Variants in KIF9 observed in about 807,000 individuals in gnomAD.
KIF9 encodes kinesin-like protein KIF9.
In KIF9, 68 loss-of-function variants were observed where a neutral mutation model predicts 94.8. The observed-to-expected ratio is 0.72, with a 90% CI of 0.59 to 0.88. The LOEUF (loss-of-function observed/expected upper bound fraction) is 0.88. Ranked by LOEUF, KIF9 falls within the 40% of genes least tolerant of loss-of-function variation. The pLI is 0.00. For missense variants in KIF9, 882 were observed against 982.5 expected, an observed-to-expected ratio of 0.90 and a Z score of 1.37; for synonymous variants, 343 against 362.1, an observed-to-expected ratio of 0.95 and a Z score of 0.60.
At chr3:47,249,718 T>A (rs1209905400) in intron 10 of KIF9, among the ~76,000 whole-genome samples, 1 of 152,216 alleles carries the variant, frequency 6.6e-6, no homozygotes, top group Non-Finnish European at 1.5e-5. Context: ...CCTGATAATC[T>A]TTGTTCAAAA....
At chr3:47,244,963 T>C (rs1166353021) in intron 14 of KIF9, 39 bp from the exon 15 acceptor site, 2 of 1,611,892 alleles carry the variant, frequency 1.2e-6, no homozygotes, top group East Asian at 4.5e-5. Flanking sequence ...TGAGTTAGAT[T>C]AAGGGCTTGG....
At chr3:47,244,631 G>T in intron 15 of KIF9, 160 bp downstream of exon 15, 1 of 876,588 alleles carries the variant, frequency 1.1e-6, no homozygotes, top group Non-Finnish European at 1.8e-6. Context: ...ACCAGCCCCA[G>T]CCCGGGCCCC....
Position 47,228,649 on chromosome 3 carries a change from G to C in KIF9, c.*3C>G, listed in dbSNP as rs936988956. On this transcript the variant is annotated 3_prime_UTR_variant, in exon 21 of 21. Coordinates refer to ENST00000684063, the MANE Select transcript of KIF9 (RefSeq NM_182902.4). ...TGTCCTTTAAGGTACTGGCGATGAG[G>C]TTCTATTTTCTATGTGCCTGCTGGA... 3 of 1,612,742 alleles carry C rather than the reference G, an allele frequency of 1.9e-6. No individual in the cohort carries two copies. Among genetic ancestry groups the C allele is most frequent in the African/African-American group, 2.7e-5 (2 of 74,866 alleles).
In KIF9 at chr3:47,229,671, T is replaced by C. The variant is rs186329482; in HGVS notation, c.2323-969A>G. Reference sequence around the variant, plus strand: ...TGGCCAACACAGAGAATTATAGAGATTGGGGAATGAGAGAATAGAATTTTG... The same window carrying C: ...TGGCCAACACAGAGAATTATAGAGACTGGGGAATGAGAGAATAGAATTTTG... On this transcript the variant is annotated intron_variant, in intron 20 of 20. Transcript: ENST00000684063. 1.9e-3 allele frequency among the ~76,000 whole-genome samples: 292 copies of C among 152,054 alleles called. 1 individual carries two copies. Among genetic ancestry groups the C allele is most frequent in the South Asian group, 5.6e-3 (27 of 4,804 alleles).
chr3:47,256,702 G>T (rs529649684), intron 10 of KIF9, among the ~76,000 whole-genome samples: 2 of 152,240 alleles, frequency 1.3e-5, no homozygotes, highest in African/African-American at 2.4e-5. Flanking sequence ...GAGTAGAAAG[G>T]GGGGAAGGGT....
chr3:47,272,638 T>C (rs1701717878), intron 4 of KIF9, among the ~76,000 whole-genome samples: 2 of 152,178 alleles, frequency 1.3e-5, no homozygotes, highest in South Asian at 4.1e-4. Context: ...TGCGGAAATA[T>C]TTTAAATATA....
intron 20 of KIF9, among the ~76,000 whole-genome samples, chr3:47,230,548 C>A (rs981928169): frequency 4.6e-5 from 7 of 151,546 alleles, no homozygotes; most frequent in African/African-American, 1.7e-4. Flanking sequence ...GCCTGACCAA[C>A]AGGAAAAATC....
At chr3:47,249,948 C>A (rs1462801092) in intron 10 of KIF9, among the ~76,000 whole-genome samples, 1 of 151,974 alleles carries the variant, frequency 6.6e-6, no homozygotes, top group Non-Finnish European at 1.5e-5. Flanking sequence ...ACTAGAGAGG[C>A]TAAGGCAGGA....
chr3:47,229,179 C>A (rs1698371294), intron 20 of KIF9, among the ~76,000 whole-genome samples: 1 of 152,188 alleles, frequency 6.6e-6, no homozygotes, highest in African/African-American at 2.4e-5. Context: ...GGGCTGTAAG[C>A]CAGCAAACGC....
intron 17 of KIF9, chr3:47,239,800 T>C (rs1375775605): frequency 7.3e-7 from 1 of 1,366,728 alleles, no homozygotes; most frequent in Non-Finnish European, 9.8e-7. Flanking sequence ...AGTGAGATGA[T>C]GCATCTGACT....
At chr3:47,252,818 GC>G (rs1384005068) in intron 10 of KIF9, among the ~76,000 whole-genome samples, 1 of 151,942 alleles carries the variant, frequency 6.6e-6, no homozygotes, top group Non-Finnish European at 1.5e-5. Context: ...TTTGAGACCA[GC>G]CTGGCCAACA....
At chr3:47,239,052 C>T (rs1699270800) in intron 17 of KIF9, among the ~76,000 whole-genome samples, 1 of 152,118 alleles carries the variant, frequency 6.6e-6, no homozygotes, top group African/African-American at 2.4e-5. Flanking sequence ...CACAAAATTA[C>T]CTGGGCATGG....
chr3:47,247,986 T>C, intron 11 of KIF9, 32 bp downstream of exon 11: 1 of 1,538,680 alleles, frequency 6.5e-7, no homozygotes, highest in Non-Finnish European at 8.9e-7. Flanking sequence ...CCCCAGCACC[T>C]CTGCCCTCCT....
chr3:47,269,510 G>A (rs1460342101), intron 5 of KIF9, among the ~76,000 whole-genome samples: 1 of 152,190 alleles, frequency 6.6e-6, no homozygotes, highest in Admixed American at 6.5e-5. Context: ...TTGAACTCAT[G>A]AGCTCAAGTG....
chr3:47,247,317 C>T, intron 12 of KIF9, 56 bp downstream of exon 12: 1 of 1,208,314 alleles, frequency 8.3e-7, no homozygotes, highest in East Asian at 2.4e-5. Context: ...TGGGGTGTGC[C>T]CAGGACTGGG....
At chr3:47,267,128 C>T (rs982940243) in intron 6 of KIF9, 52 bp downstream of exon 6, 7 of 1,600,644 alleles carry the variant, frequency 4.4e-6, no homozygotes, top group South Asian at 1.1e-5. Flanking sequence ...ACTGAGCAGG[C>T]CCCGTGGGAA....
Position 47,257,594 on chromosome 3 carries a change from C to T in KIF9, c.982-34G>A, listed in dbSNP as rs369911151. The T allele has an allele frequency of 5.2e-4, 831 of 1,588,888 alleles. 8 individuals are homozygous for T. Among genetic ancestry groups the T allele is most frequent in the Middle Eastern group, 7.0e-4 (4 of 5,678 alleles). On this transcript the variant is annotated intron_variant, in intron 9 of 20. Coordinates refer to ENST00000684063, the MANE Select transcript of KIF9 (RefSeq NM_182902.4). ...CAGAGCAGGTAGACATTAGATGGCT[C>T]GCCACTAAAGTGAGACCCCAAGAGA...
intron 10 of KIF9, among the ~76,000 whole-genome samples, chr3:47,255,853 C>T (rs2107329907): frequency 6.6e-6 from 1 of 152,346 alleles, no homozygotes; most frequent in Admixed American, 6.5e-5. Context: ...TCACTGCAAC[C>T]TCCCTGCCTG....
At chr3:47,261,196 C>T (rs374450372) in intron 9 of KIF9, among the ~76,000 whole-genome samples, 2 of 152,164 alleles carry the variant, frequency 1.3e-5, no homozygotes, top group African/African-American at 2.4e-5. Flanking sequence ...GTGTCTTTGG[C>T]CCATTGCTTG....
Sources: allele counts gnomAD v4.1 joint callset (sites outside exome capture counted in the v4.1 genomes callset), GRCh38; gene constraint gnomAD v4.1.1; transcripts MANE v1.5; gene names NCBI Gene and HGNC (gene_info 2026-07-23, HGNC 2026-07-21).